The following SELENOI variants were observed in gnomAD, a reference collection of about 807,000 sequenced individuals.
SELENOI encodes selenoprotein I.
In SELENOI, 24 loss-of-function variants were observed where a neutral mutation model predicts 50.7. That is an observed-to-expected ratio of 0.47 (90% CI 0.34 to 0.67). The LOEUF is 0.67. Ranked by LOEUF, SELENOI falls within the 30% of genes least tolerant of loss-of-function variation. The probability of loss-of-function intolerance (pLI) is 0.01; values close to 1 mark genes in which losing one functional copy is unlikely to be tolerated. For missense variants in SELENOI, 352 were observed against 461.4 expected (o/e 0.76, Z 2.17); for synonymous variants, 155 against 170.2 (o/e 0.91, Z 0.70).
chr2:26,366,832 C>A (rs1418096888), intron 3 of SELENOI, among the ~76,000 whole-genome samples: 1 of 152,122 alleles, frequency 6.6e-6, no homozygotes, highest in African/African-American at 2.4e-5. Flanking sequence ...CAATTAATTT[C>A]TAAATTCCAA....
intron 8 of SELENOI, 145 bp from the exon 9 acceptor site, chr2:26,386,209 T>C: frequency 1.2e-6 from 1 of 826,346 alleles, no homozygotes; most frequent in Non-Finnish European, 1.9e-6. Context: ...CCCCTAAGCA[T>C]TGAGAACTTC....
At chr2:26,367,611 C>T (rs560853239) in intron 4 of SELENOI, among the ~76,000 whole-genome samples, 5 of 152,212 alleles carry the variant, frequency 3.3e-5, no homozygotes, top group South Asian at 4.1e-4. Flanking sequence ...ATTTATCATG[C>T]GGCCTTTAAA....
In SELENOI at chr2:26,388,154, A is replaced by G. The variant is rs185330760; in HGVS notation, c.1096-851A>G. On this transcript the variant is annotated intron_variant, in intron 9 of 9. Coordinates refer to ENST00000260585, the MANE Select transcript of SELENOI (RefSeq NM_033505.4). ...ACAAATGTAACCTTATATACCTTATATCAATACTCTTCGGCCTTTATCCTG... is the reference window on the plus strand; with the variant it reads ...ACAAATGTAACCTTATATACCTTATGTCAATACTCTTCGGCCTTTATCCTG... Among the ~76,000 whole-genome samples, 451 of 152,338 alleles carry G rather than the reference A, an allele frequency of 3.0e-3. 2 individuals carry two copies. The highest frequency in any genetic ancestry group is 5.4e-3 in the Non-Finnish European group (368 of 68,030).
intron 6 of SELENOI, among the ~76,000 whole-genome samples, chr2:26,376,016 A>T (rs1028436752): frequency 6.7e-6 from 1 of 149,994 alleles, no homozygotes; most frequent in South Asian, 2.1e-4. Context: ...AGGTCAGAGG[A>T]TTACCGGAGC....
chr2:26,373,325 G>A (rs1198008287), intron 4 of SELENOI, 42 bp from the exon 5 acceptor site: 2 of 1,574,812 alleles, frequency 1.3e-6, no homozygotes, highest in Non-Finnish European at 1.7e-6. Context: ...CTCCATCCTG[G>A]TGCATACGTT....
At chr2:26,371,654 C>T (rs1456788982) in intron 4 of SELENOI, among the ~76,000 whole-genome samples, 1 of 152,268 alleles carries the variant, frequency 6.6e-6, no homozygotes, top group Non-Finnish European at 1.5e-5. Flanking sequence ...CGGTTAGGAG[C>T]TGGAGACCAG....
At chr2:26,347,605 C>T (rs1439746212) in intron 1 of SELENOI, among the ~76,000 whole-genome samples, 1 of 152,166 alleles carries the variant, frequency 6.6e-6, no homozygotes, top group Non-Finnish European at 1.5e-5. Flanking sequence ...TTTCAACTTT[C>T]ATTTTAGAAG....
At chr2:26,362,263 G>A (rs1677194390) in intron 1 of SELENOI, among the ~76,000 whole-genome samples, 1 of 151,972 alleles carries the variant, frequency 6.6e-6, no homozygotes, top group Non-Finnish European at 1.5e-5. Context: ...TAGAGACGGG[G>A]TTTCACCGTG....
chr2:26,365,749 A>G (rs893640994), intron 3 of SELENOI, among the ~76,000 whole-genome samples: 3 of 151,730 alleles, frequency 2.0e-5, no homozygotes, highest in African/African-American at 4.8e-5. Flanking sequence ...AGTACCACTG[A>G]CAACATTGTT....
At chr2:26,348,924 G>C (rs774291196) in intron 1 of SELENOI, among the ~76,000 whole-genome samples, 18 of 147,758 alleles carry the variant, frequency 1.2e-4, no homozygotes, top group Admixed American at 2.7e-4. Context: ...ATTAACTAAG[G>C]TAACTTCAGA....
intron 1 of SELENOI, among the ~76,000 whole-genome samples, chr2:26,354,593 G>A (rs1011376563): frequency 2.0e-5 from 3 of 151,580 alleles, no homozygotes; most frequent in South Asian, 2.1e-4. Flanking sequence ...GGGTTTCACC[G>A]TGTTAGCTAG....
chr2:26,351,055 G>GTTTTTTT (rs35623246), intron 1 of SELENOI, among the ~76,000 whole-genome samples: 11 of 102,862 alleles, frequency 1.1e-4, no homozygotes, highest in East Asian at 4.0e-4. Context: ...CTGTTTGTTT[G>GTTTTTTT]TTTTTTTTTT....
intron 4 of SELENOI, among the ~76,000 whole-genome samples, chr2:26,370,584 TCCCGGACGGGGCGGC>T (rs1677398227): frequency 3.1e-5 from 1 of 32,372 alleles, no homozygotes; most frequent in Non-Finnish European, 8.3e-5. Context: ...GCCCCTCACC[TCCCGGACGGGGCGGC>T]TGGCTGGGCG....
chr2:26,385,194 T>C lies in SELENOI; in HGVS notation c.912+55T>C, dbSNP rs147504862. On this transcript the variant is annotated intron_variant, in intron 8 of 9. Transcript: ENST00000260585. ...TATATATTAGGATTGTATGACAGAATTTGATAATTTGAAAAATCTTTAATA... is the reference window on the plus strand; with the variant it reads ...TATATATTAGGATTGTATGACAGAACTTGATAATTTGAAAAATCTTTAATA... The C allele has an allele frequency of 8.5e-4, 879 of 1,035,276 alleles. 4 individuals carry two copies. In the African/African-American group the frequency reaches 0.014, roughly 16 times the overall value. The allele number at this position is 1,035,276 out of a possible 1,614,324, so 64.1% of individuals were successfully genotyped here.
In SELENOI at chr2:26,391,184, A is replaced by C. The variant is rs1677959642; in HGVS notation, c.*2081A>C. The C allele has an allele frequency of 6.6e-6, 1 of 152,160 alleles. No individual in the cohort carries two copies. The highest frequency in any genetic ancestry group is 1.5e-5 in the Non-Finnish European group (1 of 68,020). The allele number at this position is 152,160 out of a possible 1,614,324, so 9.4% of individuals were successfully genotyped here. ...TGAAAATTGTTTTGTGCTGTACTTT[A>C]TGACTTGTTTCCCTATGGTGGTAAA... On this transcript the variant is annotated 3_prime_UTR_variant, in exon 10 of 10. Coordinates refer to ENST00000260585, the MANE Select transcript of SELENOI (RefSeq NM_033505.4).
In SELENOI at chr2:26,389,221, A is replaced by G; in HGVS notation, c.*118A>G. 1.3e-6 allele frequency: 1 copy of G among 765,426 alleles called. No homozygotes were observed. Among genetic ancestry groups the G allele is most frequent in the Middle Eastern group, 2.4e-4 (1 of 4,244 alleles). 47.4% of individuals were successfully genotyped at this position (765,426 alleles called of 1,614,324 possible). ...CGTGGGATCTCAGTATGGTACTTGG[A>G]CAGCAGGAATGATACATATAATCTG... On this transcript the variant is annotated 3_prime_UTR_variant, in exon 10 of 10. Transcript: ENST00000260585.
chr2:26,364,406 G>T, intron 2 of SELENOI, 36 bp downstream of exon 2: 2 of 1,376,706 alleles, frequency 1.5e-6, no homozygotes, highest in East Asian at 2.5e-5. Context: ...TTTTGTTTTA[G>T]TAAGTTTTAA....
chr2:26,367,072 C>T, intron 3 of SELENOI, 74 bp from the exon 4 acceptor site: 1 of 1,225,114 alleles, frequency 8.2e-7, no homozygotes, highest in Non-Finnish European at 1.1e-6. Flanking sequence ...CGACACTTCT[C>T]ACTGTCAGTA....
At position 26,375,099 on chromosome 2, in the gene SELENOI, T is replaced by C. The variant is rs1677539090; in HGVS notation, c.633T>C (p.Pro211=). 6.2e-7 allele frequency: 1 copy of C among 1,613,302 alleles called. No individual in the cohort carries two copies. Residue 211 remains proline, a synonymous_variant, in exon 6 of 10, where the codon CCT becomes CCC. Transcript: ENST00000260585. ...AVVGVEAWYE[P]FLFNFLYRDL... is the part of the protein sequence containing the mutation. ...TGGGAGTTGAGGCCTGGTATGAACC[T>C]TTCCTGTTTAATTTCTTATATAGAG...
Sources: allele counts gnomAD v4.1 joint callset (sites outside exome capture counted in the v4.1 genomes callset), GRCh38; gene constraint gnomAD v4.1.1; transcripts MANE v1.5; gene names NCBI Gene and HGNC (gene_info 2026-07-23, HGNC 2026-07-21).